RAB38: variants seen among roughly 807,000 people sequenced by gnomAD.
The protein encoded by RAB38 is RAB38, member RAS oncogene family, also known as ras-related protein Rab-38.
Under a neutral mutation model 18.4 loss-of-function variants are expected in RAB38, and 15 were observed. The observed-to-expected ratio is 0.82, with a 90% CI of 0.55 to 1.26. The LOEUF (loss-of-function observed/expected upper bound fraction) is 1.26. RAB38 is among the 50% of genes most tolerant of loss of function. The pLI is 0.00. For synonymous variants in RAB38, 101 were observed against 104.4 expected (o/e 0.97, Z 0.20); for missense variants, 294 against 267.4 (o/e 1.10, Z -0.69).
chr11:88,147,890 C>T (rs149367696), intron 2 of RAB38, among the ~76,000 whole-genome samples: 1 of 151,824 alleles, frequency 6.6e-6, no homozygotes, highest in East Asian at 1.9e-4. Flanking sequence ...GAGACTCTGT[C>T]TCAAAAAAAC....
downstream of RAB38, among the ~76,000 whole-genome samples, chr11:88,110,813 C>CAA (rs10700245): frequency 0.032 from 3,639 of 115,132 alleles, 189 homozygotes; most frequent in African/African-American, 0.11. Flanking sequence ...GACTCCATCT[C>CAA]AAAAAAAAAA....
At chr11:88,017,727 T>C in the RAB38 span, among the ~76,000 whole-genome samples, 1 of 141,020 alleles carries the variant, frequency 7.1e-6, no homozygotes, top group Non-Finnish European at 1.5e-5. Flanking sequence ...ATATATATTA[T>C]ATATATATAT....
At chr11:88,160,389 A>G (rs567977392) in intron 1 of RAB38, among the ~76,000 whole-genome samples, 1 of 152,276 alleles carries the variant, frequency 6.6e-6, no homozygotes, top group African/African-American at 2.4e-5. Context: ...GGGAATGAAA[A>G]TAAGTTCAGC....
the RAB38 span, among the ~76,000 whole-genome samples, chr11:88,056,323 T>C: frequency 9.8e-5 from 15 of 152,288 alleles, no homozygotes; most frequent in Non-Finnish European, 1.3e-4. Context: ...GAGAAGACAA[T>C]ACCAGGAATG....
the RAB38 span, among the ~76,000 whole-genome samples, chr11:87,976,692 C>A: frequency 2.2e-3 from 96 of 44,454 alleles, no homozygotes; most frequent in African/African-American, 6.8e-3. Flanking sequence ...TATATATTTA[C>A]AATATATTTT....
chr11:87,937,348 A>ATATATC, the RAB38 span, among the ~76,000 whole-genome samples: 1 of 119,362 alleles, frequency 8.4e-6, no homozygotes, highest in African/African-American at 3.0e-5. Context: ...ATATATATAT[A>ATATATC]TATCATAATT....
At chr11:87,909,110 C>A in the RAB38 span, among the ~76,000 whole-genome samples, 1 of 151,928 alleles carries the variant, frequency 6.6e-6, no homozygotes, top group Non-Finnish European at 1.5e-5. Flanking sequence ...TCTTAAGAAT[C>A]ATTTATAGTA....
chr11:87,834,897 G>T, the RAB38 span, among the ~76,000 whole-genome samples: 1 of 152,178 alleles, frequency 6.6e-6, no homozygotes, highest in African/African-American at 2.4e-5. Context: ...TTTGTATTAT[G>T]ATTTCAAATT....
intron 2 of RAB38, among the ~76,000 whole-genome samples, chr11:88,137,598 A>C (rs757408542): frequency 6.6e-6 from 1 of 152,218 alleles, no homozygotes. Context: ...GGTTACACCA[A>C]ACTAGGAGTT....
At chr11:88,081,541 A>G in the RAB38 span, among the ~76,000 whole-genome samples, 1 of 151,910 alleles carries the variant, frequency 6.6e-6, no homozygotes, top group Non-Finnish European at 1.5e-5. Flanking sequence ...TCTGGTGGCT[A>G]TTGGTAATCC....
chr11:87,816,404 T>A, the RAB38 span: 1 of 152,320 alleles, frequency 6.6e-6, no homozygotes, highest in East Asian at 1.9e-4. Context: ...TTGGGAGGTA[T>A]AATGGTTGAT....
chr11:87,864,534 A>C, the RAB38 span, among the ~76,000 whole-genome samples: 1 of 151,618 alleles, frequency 6.6e-6, no homozygotes, highest in East Asian at 2.0e-4. Flanking sequence ...TTTTCTTGGA[A>C]TATCATGGTT....
chr11:87,914,820 C>T, the RAB38 span, among the ~76,000 whole-genome samples: 1 of 152,208 alleles, frequency 6.6e-6, no homozygotes, highest in East Asian at 1.9e-4. Flanking sequence ...GCTGCTCTGG[C>T]TGAAGCAGCC....
chr11:87,969,605 A>G, the RAB38 span, among the ~76,000 whole-genome samples: 2 of 152,292 alleles, frequency 1.3e-5, no homozygotes, highest in African/African-American at 4.8e-5. Context: ...AGTCAAAATA[A>G]TGCAACGTGA....
chr11:87,971,214 A>T, the RAB38 span, among the ~76,000 whole-genome samples: 1 of 152,074 alleles, frequency 6.6e-6, no homozygotes, highest in Non-Finnish European at 1.5e-5. Context: ...CTCAGAGCTG[A>T]GTTACAGTGG....
chr11:87,926,764 T>A, the RAB38 span, among the ~76,000 whole-genome samples: 1 of 152,052 alleles, frequency 6.6e-6, no homozygotes, highest in Non-Finnish European at 1.5e-5. Context: ...CCGGCTAATC[T>A]GTGAAGGATG....
chr11:87,880,792 A>G, the RAB38 span, among the ~76,000 whole-genome samples: 18 of 151,986 alleles, frequency 1.2e-4, no homozygotes, highest in Non-Finnish European at 2.2e-4. Flanking sequence ...TAATTCATTT[A>G]TTCATTTATT....
At chr11:87,954,538 G>C in the RAB38 span, among the ~76,000 whole-genome samples, 3 of 151,328 alleles carry the variant, frequency 2.0e-5, no homozygotes, top group African/African-American at 7.4e-5. Flanking sequence ...ATGCACGCTA[G>C]AGAAGGAACA....
the RAB38 span, among the ~76,000 whole-genome samples, chr11:87,818,795 G>C: frequency 6.6e-6 from 1 of 151,540 alleles, no homozygotes; most frequent in East Asian, 1.9e-4. Flanking sequence ...TAAACACTTA[G>C]ATAAAGGTAT....
Sources: allele counts gnomAD v4.1 joint callset (sites outside exome capture counted in the v4.1 genomes callset), GRCh38; gene constraint gnomAD v4.1.1; transcripts MANE v1.5; gene names NCBI Gene and HGNC (gene_info 2026-07-23, HGNC 2026-07-21).